The following MAPKAPK3 variants were observed in gnomAD, a reference collection of about 807,000 sequenced individuals.
MAPKAPK3 encodes MAP kinase-activated protein kinase 3.
A neutral mutation model predicts 49.2 loss-of-function variants in MAPKAPK3; 35 were observed. The ratio of observed to expected loss-of-function variants is 0.71; its 90% CI spans 0.54 to 0.94. The LOEUF is 0.94. MAPKAPK3 is among the 40% of genes least tolerant of loss of function. The probability of loss-of-function intolerance (pLI) is 0.00; values close to 1 mark genes in which losing one functional copy is unlikely to be tolerated. For synonymous variants in MAPKAPK3, 178 were observed against 188.7 expected (o/e 0.94, Z 0.46); for missense variants, 398 against 493.1 (o/e 0.81, Z 1.83).
intron 9 of MAPKAPK3, 139 bp downstream of exon 9, chr3:50,646,964 A>T: frequency 9.8e-7 from 1 of 1,016,794 alleles, no homozygotes; most frequent in South Asian, 1.4e-5. Flanking sequence ...CTAGGGCCTC[A>T]CCTACAACCT....
rs75235403 is a variant in MAPKAPK3 at position 50,642,299 on chromosome 3, G to A, written c.471G>A (p.Leu157=). ...ATATTGGCACTGCCATCCAGTTTCTGCACAGCCATAACATTGCCCACCGAG... is the reference window on the plus strand; with the variant it reads ...ATATTGGCACTGCCATCCAGTTTCTACACAGCCATAACATTGCCCACCGAG... ...MRDIGTAIQF[L]HSHNIAHRDV... is the part of the protein sequence containing the mutation. Residue 157 remains leucine, a synonymous_variant, in exon 5 of 11, where the codon CTG becomes CTA. Transcript: ENST00000621469. 1.3e-4 allele frequency: 206 copies of A among 1,606,996 alleles called. 2 individuals carry two copies. In the South Asian group the frequency reaches 1.8e-3, roughly 14 times the overall value.
upstream of MAPKAPK3, chr3:50,617,116 GA>G (rs61401236): frequency 0.12 from 4,912 of 41,776 alleles, 405 homozygotes; most frequent in African/African-American, 0.17. Flanking sequence ...GGGGGGTGGG[GA>G]GGGGGGGGAG....
chr3:50,617,774 G>A lies in MAPKAPK3; in HGVS notation c.209G>A (p.Cys70Tyr). Reference protein sequence around the residue: ...ECFHRRTGQKCALKLLYDSPK... With the variant: ...ECFHRRTGQKYALKLLYDSPK... ...TTCCATCGGCGCACTGGACAGAAGT[G>A]TGCCCTGAAGGTCAGTGAGCCCTCA... Residue 70 changes from cysteine (C) to tyrosine (Y), a missense_variant, in exon 2 of 11, where the codon TGT (cysteine) becomes TAT (tyrosine). Transcript: ENST00000621469. The A allele has an allele frequency of 6.2e-7, 1 of 1,613,306 alleles. No individual in the cohort carries two copies. The highest frequency in any genetic ancestry group is 8.5e-7 in the Non-Finnish European group (1 of 1,179,860).
At chr3:50,637,641 AAAAAG>A (rs2033072811) in intron 2 of MAPKAPK3, among the ~76,000 whole-genome samples, 1 of 151,768 alleles carries the variant, frequency 6.6e-6, no homozygotes, top group South Asian at 2.1e-4. Flanking sequence ...CAAAAAAAAA[AAAAAG>A]AAAAGAAAAA....
intron 2 of MAPKAPK3, among the ~76,000 whole-genome samples, chr3:50,636,920 T>C (rs1260259455): frequency 6.6e-6 from 1 of 151,868 alleles, no homozygotes; most frequent in African/African-American, 2.4e-5. Context: ...AGTGGGGCGT[T>C]TATTATATTT....
chr3:50,634,678 A>T (rs1429067236), intron 2 of MAPKAPK3, among the ~76,000 whole-genome samples: 2 of 151,968 alleles, frequency 1.3e-5, no homozygotes, highest in South Asian at 2.1e-4. Context: ...TTTAGTAGAG[A>T]TGGGGTTTCA....
At chr3:50,611,631 C>A, upstream of MAPKAPK3, 1 of 1,514,806 alleles carries the variant, frequency 6.6e-7, no homozygotes. Flanking sequence ...CCGCGCTTAC[C>A]CCTGAACGCA....
intron 2 of MAPKAPK3, among the ~76,000 whole-genome samples, chr3:50,631,619 C>A (rs2032912804): frequency 6.6e-6 from 1 of 152,192 alleles, no homozygotes; most frequent in African/African-American, 2.4e-5. Context: ...CCAGTGGTGT[C>A]TCTTATATCA....
intron 2 of MAPKAPK3, among the ~76,000 whole-genome samples, chr3:50,625,840 A>G (rs2032724570): frequency 6.6e-6 from 1 of 151,900 alleles, no homozygotes; most frequent in Admixed American, 6.6e-5. Flanking sequence ...CAGGCGGAGG[A>G]CAGAGCAGGG....
At chr3:50,616,080 G>C (rs1212800538), upstream of MAPKAPK3, among the ~76,000 whole-genome samples, 1 of 152,198 alleles carries the variant, frequency 6.6e-6, no homozygotes, top group Non-Finnish European at 1.5e-5. Context: ...CCGAGGTCCT[G>C]GTACCTGCAG....
chr3:50,646,916 G>T (rs868505964), intron 9 of MAPKAPK3, 91 bp downstream of exon 9: 1 of 1,332,964 alleles, frequency 7.5e-7, no homozygotes, highest in South Asian at 1.2e-5. Context: ...TGAGGCCCCA[G>T]TGCAGGGCTG....
chr3:50,642,933 C>T (rs2033208973), intron 5 of MAPKAPK3, among the ~76,000 whole-genome samples: 1 of 152,176 alleles, frequency 6.6e-6, no homozygotes, highest in South Asian at 2.1e-4. Flanking sequence ...CTCACTGCAG[C>T]TTCCGCCTCC....
chr3:50,631,279 C>T (rs2032904742), intron 2 of MAPKAPK3, among the ~76,000 whole-genome samples: 2 of 152,240 alleles, frequency 1.3e-5, no homozygotes, highest in African/African-American at 4.8e-5. Flanking sequence ...AGATATTACA[C>T]TACCTTCCAG....
At chr3:50,626,768 G>A (rs993517295) in intron 2 of MAPKAPK3, among the ~76,000 whole-genome samples, 3 of 152,176 alleles carry the variant, frequency 2.0e-5, no homozygotes, top group African/African-American at 7.2e-5. Flanking sequence ...GTTCAGAAAG[G>A]CAGAGTAACT....
intron 2 of MAPKAPK3, among the ~76,000 whole-genome samples, chr3:50,636,150 G>C (rs1456106084): frequency 6.6e-6 from 1 of 152,134 alleles, no homozygotes; most frequent in African/African-American, 2.4e-5. Context: ...TTAGTGCTCT[G>C]TGTCAGGCCC....
chr3:50,625,503 C>G (rs139467049), intron 2 of MAPKAPK3, among the ~76,000 whole-genome samples: 1 of 152,176 alleles, frequency 6.6e-6, no homozygotes, highest in Non-Finnish European at 1.5e-5. Context: ...AGCAGGAACA[C>G]GAGGCTCCCG....
In MAPKAPK3 at chr3:50,640,452, T is replaced by C; in HGVS notation, c.306T>C (p.Asp102=). The C allele has an allele frequency of 1.9e-6, 3 of 1,614,138 alleles. No individual in the cohort carries two copies. The highest frequency in any genetic ancestry group is 2.5e-6 in the Non-Finnish European group (3 of 1,179,986). The change falls in exon 3 of 11, where the codon GAT becomes GAC. Residue 102 remains aspartate, a synonymous_variant. Transcript: ENST00000621469. ...SGGPHIVCIL[D]VYENMHHGKR... ...GCCCCCATATTGTCTGCATCCTGGATGTGTATGAGAACATGCACCATGGCA... is the reference window on the plus strand; with the variant it reads ...GCCCCCATATTGTCTGCATCCTGGACGTGTATGAGAACATGCACCATGGCA...
upstream of MAPKAPK3, chr3:50,614,116 C>T (rs1280230544): frequency 6.6e-6 from 1 of 152,144 alleles, no homozygotes; most frequent in Non-Finnish European, 1.5e-5. Context: ...GCACTGTGCA[C>T]CTCACCTGCA....
intron 2 of MAPKAPK3, among the ~76,000 whole-genome samples, chr3:50,638,361 G>A (rs537482166): frequency 6.6e-6 from 1 of 152,162 alleles, no homozygotes; most frequent in South Asian, 2.1e-4. Context: ...GGAGGCAAGT[G>A]GGGGGCACTG....
Sources: allele counts gnomAD v4.1 joint callset (sites outside exome capture counted in the v4.1 genomes callset), GRCh38; gene constraint gnomAD v4.1.1; transcripts MANE v1.5; gene names NCBI Gene and HGNC (gene_info 2026-07-23, HGNC 2026-07-21).